The following LMNTD1 variants were observed in gnomAD, a reference collection of about 807,000 sequenced individuals.
LMNTD1 encodes lamin tail domain-containing protein 1.
In LMNTD1, 35 loss-of-function variants were observed where a neutral mutation model predicts 50.9. The observed-to-expected ratio is 0.69, with a 90% CI of 0.53 to 0.91. LMNTD1 has a LOEUF of 0.91. LMNTD1 is among the 40% of genes least tolerant of loss of function. The pLI is 0.00. For missense variants in LMNTD1, 470 were observed against 475.5 expected (o/e 0.99, Z 0.11); for synonymous variants, 153 against 161.9 (o/e 0.94, Z 0.42).
chr12:25,625,929 C>T (rs891162837), intron 1 of LMNTD1, among the ~76,000 whole-genome samples: 4 of 152,192 alleles, frequency 2.6e-5, no homozygotes, highest in Admixed American at 6.5e-5. Context: ...CAATTTAAAA[C>T]GAATGATTCA....
intron 1 of LMNTD1, among the ~76,000 whole-genome samples, chr12:25,640,274 C>T (rs186855331): frequency 9.3e-4 from 142 of 152,132 alleles, no homozygotes; most frequent in Non-Finnish European, 1.7e-3. Context: ...CTTTGGGAGG[C>T]CAAGGCGGGC....
Position 25,619,252 on chromosome 12 carries a change from C to CTCTCTCTCTCTCTATATATA in LMNTD1, c.58+29241_58+29242insTATATATAGAGAGAGAGAGA, listed in dbSNP as rs1374134268. Among the ~76,000 whole-genome samples, 5 of 84,438 alleles carry CTCTCTCTCTCTCTATATATA rather than the reference C, an allele frequency of 5.9e-5. No individual in the cohort carries two copies. In the East Asian group the frequency reaches 1.3e-3, roughly 21 times the overall value. The allele number at this position is 84,438 out of a possible 152,430, so 55.4% of individuals were successfully genotyped here. A position where few individuals can be genotyped will look rare whatever the true frequency, so the allele number is the denominator to read the frequency against. On this transcript the variant is annotated intron_variant, in intron 1 of 7. Coordinates refer to the LMNTD1 transcript ENST00000445693. Reference sequence around the variant, plus strand: ...TCTCTCTCTCTCTCTCTCTCTCTCTCTATATATATATATATATATATATAT... The same window carrying CTCTCTCTCTCTCTATATATA: ...TCTCTCTCTCTCTCTCTCTCTCTCTCTCTCTCTCTCTCTATATATATATATATATATATATATATATATAT...
At chr12:25,570,631 A>G (rs1944750746) in intron 1 of LMNTD1, among the ~76,000 whole-genome samples, 1 of 152,180 alleles carries the variant, frequency 6.6e-6, no homozygotes, top group Admixed American at 6.5e-5. Context: ...GTAGAGCCAG[A>G]GAGACAGGGA....
At chr12:25,608,547 G>T (rs1382540328) in intron 1 of LMNTD1, among the ~76,000 whole-genome samples, 3 of 152,166 alleles carry the variant, frequency 2.0e-5, no homozygotes, top group African/African-American at 7.2e-5. Context: ...AAATCTCTCC[G>T]CATTTGCTTG....
chr12:25,560,623 A>G (rs1420266321), intron 1 of LMNTD1, among the ~76,000 whole-genome samples: 2 of 152,198 alleles, frequency 1.3e-5, no homozygotes, highest in African/African-American at 4.8e-5. Context: ...GAATCTATAA[A>G]TTACCTTGGG....
rs940761574 is a variant in LMNTD1, at chr12:25,504,172, A to G, written c.1190-372T>C. 3.3e-4 allele frequency among the ~76,000 whole-genome samples: 51 copies of G among 152,240 alleles called. 1 individual carries two copies. Among genetic ancestry groups the G allele is most frequent in the Admixed American group, 1.3e-4 (2 of 15,286 alleles). ...TGGAGGTTTGCAGAATAATTTTACC[A>G]GCCTGTAAAATTCCTCAAATGCTTT... is the stretch of plus-strand genomic sequence containing the variant. On this transcript the variant is annotated intron_variant, in intron 8 of 9. Transcript: ENST00000458174.
chr12:25,595,340 C>G (rs577584464), intron 1 of LMNTD1, among the ~76,000 whole-genome samples: 2 of 152,088 alleles, frequency 1.3e-5, no homozygotes, highest in Admixed American at 1.3e-4. Context: ...ACAAAATGAG[C>G]CTCAACAAAT....
At chr12:25,561,895 C>T (rs898228796) in intron 1 of LMNTD1, among the ~76,000 whole-genome samples, 1 of 152,100 alleles carries the variant, frequency 6.6e-6, no homozygotes, top group Non-Finnish European at 1.5e-5. Flanking sequence ...TATGTAATGG[C>T]CTTCTTTGTC....
chr12:25,613,163 T>C (rs1052906104), intron 1 of LMNTD1, among the ~76,000 whole-genome samples: 7 of 152,194 alleles, frequency 4.6e-5, no homozygotes, highest in African/African-American at 1.7e-4. Context: ...ATCCAAAACC[T>C]TTAAGAGAAT....
intron 1 of LMNTD1, among the ~76,000 whole-genome samples, chr12:25,571,139 G>C (rs1326097006): frequency 6.6e-6 from 1 of 152,074 alleles, no homozygotes; most frequent in Non-Finnish European, 1.5e-5. Flanking sequence ...AACTAGTTCT[G>C]AGTAGACCAG....
intron 8 of LMNTD1, among the ~76,000 whole-genome samples, chr12:25,511,111 G>A (rs549929054): frequency 6.6e-6 from 1 of 152,236 alleles, no homozygotes; most frequent in South Asian, 2.1e-4. Context: ...CCTGGAGGTA[G>A]TCAGGGTGTG....
chr12:25,559,975 T>C (rs1451573863), intron 1 of LMNTD1, among the ~76,000 whole-genome samples: 1 of 152,246 alleles, frequency 6.6e-6, no homozygotes, highest in African/African-American at 2.4e-5. Flanking sequence ...ATAAAAATTT[T>C]CTCCCATTCT....
chr12:25,629,164 C>T (rs1267654559), intron 1 of LMNTD1, among the ~76,000 whole-genome samples: 3 of 152,214 alleles, frequency 2.0e-5, no homozygotes, highest in Non-Finnish European at 4.4e-5. Context: ...ACTTGCTCTC[C>T]ACCTCCAAGT....
chr12:25,574,112 A>C (rs1944903663), intron 1 of LMNTD1, among the ~76,000 whole-genome samples: 1 of 152,094 alleles, frequency 6.6e-6, no homozygotes, highest in Non-Finnish European at 1.5e-5. Context: ...TCTTCTCCTC[A>C]TATCACTTTT....
chr12:25,637,374 A>G (rs1226934985), intron 1 of LMNTD1, among the ~76,000 whole-genome samples: 1 of 152,170 alleles, frequency 6.6e-6, no homozygotes, highest in Non-Finnish European at 1.5e-5. Flanking sequence ...GGAAAGCCTG[A>G]TGACAGTGTC....
intron 1 of LMNTD1, among the ~76,000 whole-genome samples, chr12:25,563,185 C>G (rs1017192859): frequency 1.3e-5 from 2 of 152,210 alleles, no homozygotes; most frequent in East Asian, 3.8e-4. Context: ...CCATTGCTGG[C>G]GAGTAGCTGC....
intron 1 of LMNTD1, among the ~76,000 whole-genome samples, chr12:25,603,298 C>A (rs771757535): frequency 4.0e-5 from 6 of 151,810 alleles, no homozygotes; most frequent in Non-Finnish European, 5.9e-5. Flanking sequence ...AGTTATCTAC[C>A]TTTTTTAAAA....
intron 4 of LMNTD1, among the ~76,000 whole-genome samples, chr12:25,539,947 C>G (rs1298643104): frequency 3.3e-5 from 5 of 151,530 alleles, no homozygotes. Flanking sequence ...CTACAAACAC[C>G]TCTACACAAA....
chr12:25,647,414 G>T (rs7311983), intron 1 of LMNTD1, among the ~76,000 whole-genome samples: 17,948 of 152,090 alleles, frequency 0.12, 1,640 homozygotes, highest in African/African-American at 0.25. Context: ...GCTTGAGCCT[G>T]GGGGGGCAGA....
Sources: allele counts gnomAD v4.1 joint callset (sites outside exome capture counted in the v4.1 genomes callset), GRCh38; gene constraint gnomAD v4.1.1; transcripts MANE v1.5; gene names NCBI Gene and HGNC (gene_info 2026-07-23, HGNC 2026-07-21).